APLP2: variants seen among roughly 807,000 people sequenced by gnomAD.
APLP2 encodes the protein amyloid beta precursor like protein 2, also known as CDEI box-binding protein.
A neutral mutation model predicts 89.9 loss-of-function variants in APLP2; 53 were observed. The observed-to-expected ratio is 0.59, with a 90% CI of 0.47 to 0.74. The LOEUF is 0.74. Among genes scored for constraint, APLP2 ranks in the 30% least tolerant of loss-of-function variants. The probability of loss-of-function intolerance (pLI) is 0.00; values close to 1 mark genes in which losing one functional copy is unlikely to be tolerated. For synonymous variants in APLP2, 372 were observed against 348.6 expected (o/e 1.07, Z -0.75); for missense variants, 973 against 975.9 (o/e 1.00, Z 0.04).
chr11:130,111,905 G>A (rs994155341), intron 3 of APLP2, among the ~76,000 whole-genome samples: 11 of 152,164 alleles, frequency 7.2e-5, no homozygotes, highest in Non-Finnish European at 1.2e-4. Flanking sequence ...GCTTGAAATC[G>A]TTCCTTCTGC....
In APLP2 at chr11:130,100,036, C is replaced by T. The variant is rs73041256; in HGVS notation, c.106-9393C>T. Among the ~76,000 whole-genome samples, 475 of 152,330 alleles carry T rather than the reference C, an allele frequency of 3.1e-3. 2 individuals are homozygous for T. The highest frequency in any genetic ancestry group is 6.7e-3 in the Admixed American group (103 of 15,296). ...ATGAAAGCTCCCAATGCTTGAAGAG[C>T]GCTTCTATGTGACAAACACTTTTCA... is the stretch of plus-strand genomic sequence containing the variant. On this transcript the variant is annotated intron_variant, in intron 1 of 16. Transcript: ENST00000338167.
At chr11:130,088,016 C>G (rs572397499) in intron 1 of APLP2, among the ~76,000 whole-genome samples, 5 of 152,304 alleles carry the variant, frequency 3.3e-5, no homozygotes, top group East Asian at 1.9e-4. Flanking sequence ...AGCACAGACT[C>G]AAGCCTGATA....
At chr11:130,076,237 G>A (rs1250435418) in intron 1 of APLP2, among the ~76,000 whole-genome samples, 1 of 151,896 alleles carries the variant, frequency 6.6e-6, no homozygotes, top group Non-Finnish European at 1.5e-5. Flanking sequence ...ACCATGCCCG[G>A]CTAATTTTTA....
At chr11:130,078,416 T>C (rs1942511574) in intron 1 of APLP2, among the ~76,000 whole-genome samples, 1 of 136,542 alleles carries the variant, frequency 7.3e-6, no homozygotes, top group Admixed American at 6.8e-5. Context: ...GGTTTGCCTT[T>C]TCACTCTTAG....
chr11:130,137,284 GA>G (rs766122605), intron 13 of APLP2: 1 of 1,613,982 alleles, frequency 6.2e-7, no homozygotes, highest in Non-Finnish European at 8.5e-7. Context: ...ACCACCCAAT[GA>G]AAAAAGGTTG....
intron 1 of APLP2, among the ~76,000 whole-genome samples, chr11:130,091,246 G>A (rs71352176): frequency 7.5e-6 from 1 of 133,884 alleles, no homozygotes; most frequent in Non-Finnish European, 1.6e-5. Flanking sequence ...CCTCCCGCAC[G>A]GGGCGGCTGG....
Position 130,133,757 on chromosome 11 carries a change from A to G in APLP2, c.1684+29A>G, listed in dbSNP as rs777411927. 8 of 1,539,676 alleles carry G rather than the reference A, an allele frequency of 5.2e-6. No individual in the cohort carries two copies. The East Asian group carries it at 1.6e-4, about 30-fold the overall frequency. On this transcript the variant is annotated intron_variant, in intron 12 of 16. Transcript: ENST00000338167. Reference sequence around the variant, plus strand: ...GGTACCAGCTCTTTGTGTCAAGGTCATACGGGACTTCTTGCAGAGGCTCAG... The same window carrying G: ...GGTACCAGCTCTTTGTGTCAAGGTCGTACGGGACTTCTTGCAGAGGCTCAG...
At chr11:130,081,705 A>G (rs952921446) in intron 1 of APLP2, among the ~76,000 whole-genome samples, 1 of 152,234 alleles carries the variant, frequency 6.6e-6, no homozygotes, top group Non-Finnish European at 1.5e-5. Flanking sequence ...AATAACATGC[A>G]TATGTTTGTA....
At position 130,135,722 on chromosome 11, in the gene APLP2, A is replaced by ATGGGCGACGGTGCCACTTC. The variant is rs761257587; in HGVS notation, c.1837+13_1837+31dup. ...GCCCTACCTGAGAACGAAGGTGTGTATGGGCGACGGTGCCACTTCTGGGCA... is the reference window on the plus strand; with the variant it reads ...GCCCTACCTGAGAACGAAGGTGTGTATGGGCGACGGTGCCACTTCTGGGCGACGGTGCCACTTCTGGGCA... On this transcript the variant is annotated splice_region_variant and intron_variant, in intron 13 of 16. Transcript: ENST00000338167. 1 of 1,613,836 alleles carries ATGGGCGACGGTGCCACTTC rather than the reference A, an allele frequency of 6.2e-7. No homozygotes were observed. The highest frequency in any genetic ancestry group is 2.2e-5 in the East Asian group (1 of 44,888).
chr11:130,126,910 C>T (rs1950430058), intron 8 of APLP2, 80 bp downstream of exon 8: 7 of 1,577,932 alleles, frequency 4.4e-6, no homozygotes, highest in Non-Finnish European at 3.5e-6. Flanking sequence ...AAAGTAATAG[C>T]TTCTCCCTAG....
Position 130,126,685 on chromosome 11 carries a change from G to C in APLP2, c.1091-15G>C. Reference sequence around the variant, plus strand: ...TCTGATCCCAAAGAGAACTCCCTCTGTAATTTTGTTTCAGTTCCTCCAACT... The same window carrying C: ...TCTGATCCCAAAGAGAACTCCCTCTCTAATTTTGTTTCAGTTCCTCCAACT... On this transcript the variant is annotated splice_polypyrimidine_tract_variant and intron_variant, in intron 7 of 16. Transcript: ENST00000338167. 6.2e-7 allele frequency: 1 copy of C among 1,613,242 alleles called. No individual in the cohort carries two copies. The highest frequency in any genetic ancestry group is 8.5e-7 in the Non-Finnish European group (1 of 1,179,222).
At position 130,142,071 on chromosome 11, in the gene APLP2, G is replaced by T; in HGVS notation, c.2151G>T (p.Val717=). The T allele has an allele frequency of 6.2e-7, 1 of 1,611,678 alleles. No individual in the cohort carries two copies. Reference sequence around the variant, plus strand: ...ATGGCACCATCAGCCACGGGATCGTGGAGGTGAGGAGCTGGGCTGCTGAGG... The same window carrying T: ...ATGGCACCATCAGCCACGGGATCGTTGAGGTGAGGAGCTGGGCTGCTGAGG... ...RQYGTISHGI[V]EVDPMLTPEE... The change falls in exon 16 of 17, where the codon GTG becomes GTT. Residue 717 remains valine (V), a synonymous_variant. Coordinates refer to ENST00000338167, the MANE Select transcript of APLP2 (RefSeq NM_001142276.2).
intron 1 of APLP2, among the ~76,000 whole-genome samples, chr11:130,078,732 T>G (rs1942589495): frequency 6.6e-6 from 1 of 152,138 alleles, no homozygotes; most frequent in South Asian, 2.1e-4. Flanking sequence ...CTTTCCCTTC[T>G]GCTCGGCTCT....
At chr11:130,082,346 G>C (rs1321435353) in intron 1 of APLP2, 1 of 151,922 alleles carries the variant, frequency 6.6e-6, no homozygotes, top group Non-Finnish European at 1.5e-5. Context: ...ATCACGCCCA[G>C]CTGATTTTTG....
At chr11:130,121,958 A>G (rs1949875613) in intron 5 of APLP2, 148 bp downstream of exon 5, 1 of 1,286,624 alleles carries the variant, frequency 7.8e-7, no homozygotes. Flanking sequence ...ATTTCATTCT[A>G]GCCATTGCCA....
intron 1 of APLP2, among the ~76,000 whole-genome samples, chr11:130,104,803 T>A (rs1350796201): frequency 6.6e-6 from 1 of 152,158 alleles, no homozygotes; most frequent in African/African-American, 2.4e-5. Flanking sequence ...TTAATAAAGG[T>A]GCTAATTGTT....
At position 130,141,387 on chromosome 11, in the gene APLP2, A is replaced by T; in HGVS notation, c.1924-111A>T. 1.2e-6 allele frequency: 1 copy of T among 865,350 alleles called. No individual in the cohort carries two copies. The highest frequency in any genetic ancestry group is 1.9e-6 in the Non-Finnish European group (1 of 530,426). The allele number at this position is 865,350 out of a possible 1,614,324, so 53.6% of individuals were successfully genotyped here. ...ACTGGTTGGTTAATGGGGGTCCCAC[A>T]GGTACCTGCTTCCTTCCATCAAGCA... is the stretch of plus-strand genomic sequence containing the variant. On this transcript the variant is annotated intron_variant, in intron 14 of 16. Transcript: ENST00000338167. The surrounding 1 kb of genome is among the most constrained non-coding windows in gnomAD (Gnocchi z 4.2).
chr11:130,079,995 T>G (rs1942888854), intron 1 of APLP2, among the ~76,000 whole-genome samples: 1 of 152,340 alleles, frequency 6.6e-6, no homozygotes, highest in South Asian at 2.1e-4. Flanking sequence ...AATTTAATTT[T>G]GAGAGTGCAG....
Position 130,070,071 on chromosome 11 carries a change from G to T in APLP2, c.94G>T (p.Gly32Cys). Residue 32 changes from glycine to cysteine, a missense_variant, in exon 1 of 17, where the codon GGC becomes TGC. Physicochemically the swap from Gly to Cys is radical, Grantham distance 159. Transcript: ENST00000338167. ...GLTAPALALA[G>C]YIEALAANAG... is the part of the protein sequence containing the mutation. ...CACGGCGCCTGCCTTGGCGCTGGCCGGCTACATCGAGGTGGGGACCGGGCG... is the reference window on the plus strand; with the variant it reads ...CACGGCGCCTGCCTTGGCGCTGGCCTGCTACATCGAGGTGGGGACCGGGCG... The T allele has an allele frequency of 6.8e-7, 1 of 1,478,988 alleles. No individual in the cohort carries two copies. Among genetic ancestry groups the T allele is most frequent in the Non-Finnish European group, 8.9e-7 (1 of 1,123,104 alleles). 91.6% of individuals were successfully genotyped at this position (1,478,988 alleles called of 1,614,324 possible).
Sources: allele counts gnomAD v4.1 joint callset (sites outside exome capture counted in the v4.1 genomes callset), GRCh38; gene constraint gnomAD v4.1.1; non-coding constraint Gnocchi (gnomAD v3.1); transcripts MANE v1.5; gene names NCBI Gene and HGNC (gene_info 2026-07-23, HGNC 2026-07-21).